The following FGF13 variants were observed in gnomAD, a reference collection of about 807,000 sequenced individuals.
FGF13 encodes fibroblast growth factor 13, also known as fibroblast growth factor homologous factor 2.
Under a neutral mutation model 19.5 loss-of-function variants are expected in FGF13, and 2 were observed. The ratio of observed to expected loss-of-function variants is 0.10; its 90% CI spans 0.04 to 0.32. The LOEUF (loss-of-function observed/expected upper bound fraction) is 0.32. Ranked by LOEUF, FGF13 falls within the 10% of genes least tolerant of loss-of-function variation. FGF13 has a pLI of 1.00. For synonymous variants in FGF13, 72 were observed against 76.9 expected, an observed-to-expected ratio of 0.94 and a Z score of 0.33; for missense variants, 113 against 192.7, an observed-to-expected ratio of 0.59 and a Z score of 2.45.
chrX:139,024,139 A>G (rs1019556355), intron 1 of FGF13, among the ~76,000 whole-genome samples: 1 of 111,111 alleles, frequency 9.0e-6, no homozygotes, highest in African/African-American at 3.3e-5. Flanking sequence ...TAGCAGGTGC[A>G]TGGAAAGCAG....
intron 1 of FGF13, among the ~76,000 whole-genome samples, chrX:139,200,442 G>A (rs982884625): frequency 8.9e-6 from 1 of 112,015 alleles, no homozygotes; most frequent in African/African-American, 3.2e-5. Flanking sequence ...AACAAAAAAC[G>A]AACTGTGGTG....
In FGF13 at chrX:138,948,957, A is replaced by G. The variant is rs190345498; in HGVS notation, c.-112-84307T>C. 3.3e-3 allele frequency among the ~76,000 whole-genome samples: 365 copies of G among 112,118 alleles called. 2 individuals carry two copies. Among genetic ancestry groups the G allele is most frequent in the Non-Finnish European group, 5.1e-3 (272 of 53,164 alleles). On this transcript the variant is annotated intron_variant, in intron 1 of 2. Transcript: ENST00000421460. ...TGAATTAGAGAGGTAAGGAACAGTC[A>G]TATTTATTGACACAACAACTCTATT...
At chrX:138,842,635 GTTC>G (rs1157842194) in intron 3 of FGF13, among the ~76,000 whole-genome samples, 49 of 110,941 alleles carry the variant, frequency 4.4e-4, no homozygotes, top group African/African-American at 1.6e-3. Context: ...CAGCCCAGTG[GTTC>G]TTAACAAGGT....
intron 1 of FGF13, among the ~76,000 whole-genome samples, chrX:138,919,283 T>C (rs1435086818): frequency 9.0e-6 from 1 of 111,408 alleles, no homozygotes; most frequent in East Asian, 2.8e-4. Flanking sequence ...AAAATCTCAT[T>C]AGAAAAAGAC....
chrX:138,950,280 C>A (rs138229921), intron 1 of FGF13, among the ~76,000 whole-genome samples: 91 of 111,956 alleles, frequency 8.1e-4, no homozygotes, highest in African/African-American at 2.8e-3. Flanking sequence ...ACAAAACTAT[C>A]TTTCACCTTT....
At position 138,810,533 on chromosome X, in the gene FGF13, C is replaced by T. The variant is rs144436923; in HGVS notation, c.217+46979G>A. 1.9e-3 allele frequency among the ~76,000 whole-genome samples: 213 copies of T among 111,464 alleles called. 2 individuals carry two copies. The highest frequency in any genetic ancestry group is 6.8e-3 in the African/African-American group (209 of 30,708). Reference sequence around the variant, plus strand: ...CAATACCATTCAGGACATAGGGATGCGCAAAGACTTCATGACTAAAACACC... The same window carrying T: ...CAATACCATTCAGGACATAGGGATGTGCAAAGACTTCATGACTAAAACACC... On this transcript the variant is annotated intron_variant, in intron 3 of 6. Coordinates refer to the FGF13 transcript ENST00000436198.
At chrX:139,034,013 A>G (rs1178629035) in intron 1 of FGF13, among the ~76,000 whole-genome samples, 1 of 111,907 alleles carries the variant, frequency 8.9e-6, no homozygotes, top group African/African-American at 3.2e-5. Flanking sequence ...CTCTCACTGA[A>G]TGATTATGGC....
At chrX:138,935,102 G>A (rs1346687687) in intron 1 of FGF13, among the ~76,000 whole-genome samples, 2 of 110,943 alleles carry the variant, frequency 1.8e-5, no homozygotes, top group South Asian at 3.8e-4. Context: ...CTGTCCTATA[G>A]CATCAGAATC....
At chrX:138,720,416 G>C (rs971354205) in intron 1 of FGF13, among the ~76,000 whole-genome samples, 3 of 111,898 alleles carry the variant, frequency 2.7e-5, no homozygotes, top group African/African-American at 9.7e-5. Context: ...ATGAAGAAAG[G>C]CTAATGCATT....
At chrX:138,907,705 G>C (rs1342921086) in intron 1 of FGF13, among the ~76,000 whole-genome samples, 4 of 111,364 alleles carry the variant, frequency 3.6e-5, no homozygotes, top group Non-Finnish European at 7.5e-5. Context: ...TCTGATCTAG[G>C]CCATTTTGGT....
chrX:138,910,643 G>C (rs373311196), intron 1 of FGF13, among the ~76,000 whole-genome samples: 3 of 112,252 alleles, frequency 2.7e-5, no homozygotes, highest in East Asian at 5.6e-4. Context: ...AACAGCAAGA[G>C]AAATATACTT....
intron 1 of FGF13, among the ~76,000 whole-genome samples, chrX:139,052,868 C>A (rs1215026960): frequency 9.2e-6 from 1 of 108,223 alleles, no homozygotes; most frequent in Admixed American, 9.9e-5. Flanking sequence ...TTAATTTTTC[C>A]ATAAGTTATT....
intron 1 of FGF13, among the ~76,000 whole-genome samples, chrX:138,986,351 G>A (rs937831659): frequency 8.1e-5 from 9 of 111,463 alleles, no homozygotes; most frequent in Non-Finnish European, 3.8e-5. Flanking sequence ...TTGCTCATGA[G>A]AACACTGAGG....
intron 1 of FGF13, among the ~76,000 whole-genome samples, chrX:139,070,142 A>C (rs1195267955): frequency 2.7e-5 from 3 of 112,133 alleles, no homozygotes; most frequent in Non-Finnish European, 5.6e-5. Flanking sequence ...GGATCTAATT[A>C]AACTAAAGAG....
intron 1 of FGF13, among the ~76,000 whole-genome samples, chrX:138,891,527 C>T (rs2091476969): frequency 9.0e-6 from 1 of 111,476 alleles, no homozygotes; most frequent in African/African-American, 3.3e-5. Context: ...AAAGGCCCCA[C>T]CTCCTAACAC....
At chrX:139,169,332 C>T (rs1471967373) in intron 1 of FGF13, among the ~76,000 whole-genome samples, 1 of 111,742 alleles carries the variant, frequency 8.9e-6, no homozygotes, top group African/African-American at 3.3e-5. Context: ...AAGAGTGCAG[C>T]TCCTCATCAG....
At chrX:139,004,452 G>A (rs1468169903) in intron 1 of FGF13, among the ~76,000 whole-genome samples, 2 of 112,429 alleles carry the variant, frequency 1.8e-5, no homozygotes, top group Non-Finnish European at 3.8e-5. Context: ...TCCAGCCTTG[G>A]CCAGCCCAGA....
At chrX:138,860,222 C>A (rs1270693405) in intron 2 of FGF13, among the ~76,000 whole-genome samples, 2 of 111,266 alleles carry the variant, frequency 1.8e-5, no homozygotes, top group Admixed American at 1.9e-4. Context: ...ATATCAAATG[C>A]ACTTATTCCC....
chrX:138,797,468 G>A (rs772349973), intron 3 of FGF13, among the ~76,000 whole-genome samples: 1 of 111,639 alleles, frequency 9.0e-6, no homozygotes, highest in African/African-American at 3.3e-5. Flanking sequence ...TAGCCTTGTA[G>A]TATAGTTTGA....
Sources: gnomAD v4.1 joint callset for allele counts (sites outside exome capture counted in the v4.1 genomes callset) on GRCh38, gnomAD v4.1.1 for gene constraint, MANE v1.5 for transcripts, NCBI Gene and HGNC (gene_info 2026-07-23, HGNC 2026-07-21) for gene names.